The following MYO16 variants were observed in gnomAD, a reference collection of about 807,000 sequenced individuals.
The protein encoded by MYO16 is myosin XVI.
Under a neutral mutation model 205.3 loss-of-function variants are expected in MYO16, and 94 were observed. The ratio of observed to expected loss-of-function variants is 0.46; its 90% CI spans 0.39 to 0.54. MYO16 has a LOEUF of 0.54. Ranked by LOEUF, MYO16 falls within the 20% of genes least tolerant of loss-of-function variation. The pLI is 0.00. For missense variants in MYO16, 2,315 were observed against 2,387.5 expected (o/e 0.97, Z 0.63); for synonymous variants, 988 against 954.0 (o/e 1.04, Z -0.66).
At chr13:109,117,968 G>A (rs1306229375) in intron 28 of MYO16, among the ~76,000 whole-genome samples, 2 of 152,084 alleles carry the variant, frequency 1.3e-5, no homozygotes. Flanking sequence ...ACCAATTACA[G>A]ATGTAGCCTC....
the MYO16 span, among the ~76,000 whole-genome samples, chr13:108,549,520 C>T: frequency 6.6e-6 from 1 of 151,804 alleles, no homozygotes; most frequent in Non-Finnish European, 1.5e-5. Flanking sequence ...TAATTTGTTA[C>T]AGTAACAATG....
At chr13:109,203,195 G>T (rs1594184383) in intron 34 of MYO16, among the ~76,000 whole-genome samples, 1 of 152,272 alleles carries the variant, frequency 6.6e-6, no homozygotes, top group South Asian at 2.1e-4. Context: ...ACACAAACAG[G>T]TGGGACTTAA....
intron 1 of MYO16, among the ~76,000 whole-genome samples, chr13:108,601,516 C>T (rs1436935662): frequency 6.6e-6 from 1 of 151,752 alleles, no homozygotes; most frequent in Admixed American, 6.6e-5. Flanking sequence ...GGGGACTAGA[C>T]AGTTTATTTC....
intron 1 of MYO16, among the ~76,000 whole-genome samples, chr13:108,621,060 T>C (rs2139334948): frequency 6.6e-6 from 1 of 152,288 alleles, no homozygotes; most frequent in African/African-American, 2.4e-5. Context: ...CACACCTCTC[T>C]TCTGCCCACC....
chr13:108,589,601 A>T, the MYO16 span, among the ~76,000 whole-genome samples: 3 of 152,114 alleles, frequency 2.0e-5, no homozygotes, highest in African/African-American at 7.2e-5. Flanking sequence ...ATGCCCCAAT[A>T]TTACTTATTT....
intron 7 of MYO16, among the ~76,000 whole-genome samples, chr13:108,811,401 G>A (rs568703222): frequency 6.6e-6 from 1 of 151,942 alleles, no homozygotes; most frequent in African/African-American, 2.4e-5. Context: ...CCATGTCTTT[G>A]AGAAATATTC....
intron 16 of MYO16, among the ~76,000 whole-genome samples, chr13:108,956,515 C>A (rs562422689): frequency 4.7e-5 from 4 of 84,296 alleles, no homozygotes; most frequent in Admixed American, 1.4e-4. Context: ...CAAGACATGA[C>A]AAACTCTTTT....
At chr13:108,603,659 T>C (rs574217418) in intron 1 of MYO16, among the ~76,000 whole-genome samples, 16 of 152,296 alleles carry the variant, frequency 1.1e-4, no homozygotes, top group Middle Eastern at 3.4e-3. Context: ...TTGTCACTTA[T>C]AGCACTATCT....
At chr13:109,114,046 C>T (rs761308949) in intron 28 of MYO16, among the ~76,000 whole-genome samples, 2 of 152,142 alleles carry the variant, frequency 1.3e-5, no homozygotes, top group African/African-American at 2.4e-5. Flanking sequence ...GAGGAGAATT[C>T]AGTGAAGAAC....
At chr13:108,620,411 A>G (rs567154079) in intron 1 of MYO16, among the ~76,000 whole-genome samples, 1 of 152,272 alleles carries the variant, frequency 6.6e-6, no homozygotes, top group South Asian at 2.1e-4. Context: ...ACACTGAAGA[A>G]GAGAGGAAGC....
intron 34 of MYO16, 65 bp from the exon 35 acceptor site, chr13:109,206,544 C>T (rs183939100): frequency 1.7e-6 from 2 of 1,192,144 alleles, no homozygotes; most frequent in East Asian, 2.3e-5. Context: ...GTGTTGCTAT[C>T]ACACTTCATA....
intron 6 of MYO16, among the ~76,000 whole-genome samples, chr13:108,803,365 GGA>G (rs1887021706): frequency 6.6e-6 from 1 of 152,056 alleles, no homozygotes; most frequent in African/African-American, 2.4e-5. Context: ...CTTTTATTTG[GGA>G]AAATGAAAAT....
At chr13:108,797,500 C>T (rs1413267454) in intron 6 of MYO16, among the ~76,000 whole-genome samples, 1 of 152,146 alleles carries the variant, frequency 6.6e-6, no homozygotes. Context: ...GAAATGTCCT[C>T]GGAACCAAGT....
chr13:108,873,160 T>C (rs985784852), intron 12 of MYO16, among the ~76,000 whole-genome samples: 1 of 152,226 alleles, frequency 6.6e-6, no homozygotes, highest in Non-Finnish European at 1.5e-5. Context: ...ATTATGTCTG[T>C]TGTTTTAAAT....
At chr13:108,705,348 C>A (rs143589061) in intron 2 of MYO16, among the ~76,000 whole-genome samples, 1 of 152,288 alleles carries the variant, frequency 6.6e-6, no homozygotes, top group Non-Finnish European at 1.5e-5. Context: ...GACCTATCAT[C>A]AGAAGGTCAG....
chr13:108,798,984 C>A (rs560931370), intron 6 of MYO16, among the ~76,000 whole-genome samples: 2 of 149,592 alleles, frequency 1.3e-5, no homozygotes. Flanking sequence ...GGATTACAGG[C>A]GTGAGCCACC....
intron 23 of MYO16, among the ~76,000 whole-genome samples, chr13:109,027,503 G>C (rs1039995286): frequency 3.9e-5 from 6 of 152,044 alleles, no homozygotes; most frequent in Non-Finnish European, 2.9e-5. Context: ...TGTGTTTATT[G>C]TCTGTACTCA....
chr13:108,702,282 A>G (rs1218139851), intron 2 of MYO16, among the ~76,000 whole-genome samples: 2 of 152,222 alleles, frequency 1.3e-5, no homozygotes, highest in Non-Finnish European at 2.9e-5. Context: ...AAAGGCAAAA[A>G]TTATCTTGAA....
intron 1 of MYO16, among the ~76,000 whole-genome samples, chr13:108,602,945 G>T (rs1878819122): frequency 1.3e-5 from 2 of 152,158 alleles, no homozygotes; most frequent in African/African-American, 4.8e-5. Context: ...CCTGGAGAAA[G>T]AACCTGGAAA....
Sources: gnomAD v4.1 joint callset for allele counts (sites outside exome capture counted in the v4.1 genomes callset) on GRCh38, gnomAD v4.1.1 for gene constraint, MANE v1.5 for transcripts, NCBI Gene and HGNC (gene_info 2026-07-23, HGNC 2026-07-21) for gene names.